The following FABP12 variants were observed in gnomAD, a reference collection of about 807,000 sequenced individuals.
The protein encoded by FABP12 is fatty acid binding protein 12.
In FABP12, 19 loss-of-function variants were observed where a neutral mutation model predicts 13.7. The ratio of observed to expected loss-of-function variants is 1.39; its 90% confidence interval spans 0.97 to 2.04. The LOEUF (loss-of-function observed/expected upper bound fraction) is 2.04. Among genes scored for constraint, FABP12 ranks in the 30% most tolerant of loss-of-function variants. The pLI, the probability that FABP12 is intolerant of heterozygous loss-of-function variation, is 0.00. For synonymous variants in FABP12, 61 were observed against 57.0 expected (o/e 1.07, Z -0.32); for missense variants, 182 against 164.2 (o/e 1.11, Z -0.59).
intron 1 of FABP12, among the ~76,000 whole-genome samples, chr8:81,589,783 A>C (rs1810293378): frequency 1.3e-5 from 2 of 152,198 alleles, no homozygotes; most frequent in Non-Finnish European, 2.9e-5. Flanking sequence ...GGCAGGCATC[A>C]AGTACCCAAA....
chr8:81,549,262 C>T (rs1367519753), intron 1 of FABP12, among the ~76,000 whole-genome samples: 2 of 152,000 alleles, frequency 1.3e-5, no homozygotes, highest in African/African-American at 4.8e-5. Context: ...CATGCACGTA[C>T]ACACCCTGGT....
rs374910315 is a variant in FABP12 at position 81,529,532 on chromosome 8, G to T, written c.152C>A (p.Thr51Lys). The stretch of plus-strand genomic sequence containing the variant: ...TTTAAAGATGCTTTTGGTTTTTATT[G>T]TGATGACATCTCCATCTGTACTGAT... Residue 51 changes from threonine (T) to lysine (K), a missense_variant, in exon 3 of 5, where the codon ACA (threonine) becomes AAA (lysine). Physicochemically the swap from Thr to Lys is moderately conservative, Grantham distance 78. Coordinates refer to ENST00000360464, the Ensembl canonical transcript of FABP12. 32 of 1,613,840 alleles carry T rather than the reference G, an allele frequency of 2.0e-5. No individual in the cohort carries two copies. Among genetic ancestry groups the T allele is most frequent in the East Asian group, 1.8e-4 (8 of 44,880 alleles).
intron 1 of FABP12, among the ~76,000 whole-genome samples, chr8:81,563,149 C>G (rs142110131): frequency 1.0e-3 from 153 of 152,290 alleles, no homozygotes; most frequent in African/African-American, 3.6e-3. Context: ...CCAGATAATT[C>G]TTCTGTATCT....
chr8:81,560,967 C>T (rs2130044029), intron 1 of FABP12, among the ~76,000 whole-genome samples: 1 of 152,300 alleles, frequency 6.6e-6, no homozygotes. Context: ...TGCTGCGGGG[C>T]AAAGGAGGGA....
At chr8:81,588,286 C>G (rs1392322567) in intron 1 of FABP12, among the ~76,000 whole-genome samples, 1 of 152,202 alleles carries the variant, frequency 6.6e-6, no homozygotes, top group Non-Finnish European at 1.5e-5. Flanking sequence ...GATATAGAAT[C>G]ATATTTTCTG....
intron 2 of FABP12, 150 bp downstream of exon 2, chr8:81,531,093 G>A: frequency 1.6e-6 from 1 of 627,328 alleles, no homozygotes; most frequent in Non-Finnish European, 2.8e-6. Flanking sequence ...GTTTTGCACA[G>A]AACTATATCC....
chr8:81,527,195 T>A (rs1347562840), intron 3 of FABP12, 74 bp from the exon 4 acceptor site: 2 of 805,342 alleles, frequency 2.5e-6, no homozygotes, highest in East Asian at 5.3e-5. Flanking sequence ...GGCAGCAAAT[T>A]CTTTTTAGCT....
intron 1 of FABP12, among the ~76,000 whole-genome samples, chr8:81,578,242 A>G (rs2556576): frequency 1.3e-5 from 2 of 152,220 alleles, no homozygotes; most frequent in Non-Finnish European, 2.9e-5. Context: ...TCTTAAAAGA[A>G]TACATTTAGA....
At chr8:81,567,460 C>T (rs1205207011) in intron 1 of FABP12, among the ~76,000 whole-genome samples, 1 of 152,144 alleles carries the variant, frequency 6.6e-6, no homozygotes, top group African/African-American at 2.4e-5. Flanking sequence ...TAAAGACAGA[C>T]ACATAGACCA....
intron 1 of FABP12, among the ~76,000 whole-genome samples, chr8:81,585,768 GT>G (rs1171432052): frequency 1.3e-5 from 2 of 151,842 alleles, no homozygotes; most frequent in Non-Finnish European, 2.9e-5. Flanking sequence ...TGTTTTATTG[GT>G]TTTTTTAAAT....
chr8:81,551,955 A>C (rs1349378255), intron 1 of FABP12, among the ~76,000 whole-genome samples: 2 of 152,118 alleles, frequency 1.3e-5, no homozygotes, highest in African/African-American at 4.8e-5. Flanking sequence ...ATACTGTGCT[A>C]GCTTCTAGGA....
At chr8:81,539,590 G>C (rs1039738698) in intron 2 of FABP12, among the ~76,000 whole-genome samples, 6 of 152,042 alleles carry the variant, frequency 3.9e-5, no homozygotes, top group Non-Finnish European at 7.4e-5. Context: ...GTTGATGCTG[G>C]TAAACAGCAT....
At chr8:81,535,467 A>G (rs976928816), upstream of FABP12, among the ~76,000 whole-genome samples, 2 of 152,206 alleles carry the variant, frequency 1.3e-5, no homozygotes, top group Non-Finnish European at 2.9e-5. Context: ...TCCAACAGCC[A>G]AGGAGTCAAT....
upstream of FABP12, among the ~76,000 whole-genome samples, chr8:81,537,870 C>G (rs16909321): frequency 0.029 from 4,431 of 152,164 alleles, 171 homozygotes; most frequent in African/African-American, 0.092. Flanking sequence ...TCACACAGTT[C>G]AACTTTTTTT....
intron 1 of FABP12, among the ~76,000 whole-genome samples, chr8:81,531,871 A>C (rs960197523): frequency 6.6e-6 from 1 of 152,156 alleles, no homozygotes; most frequent in Admixed American, 6.6e-5. Flanking sequence ...AACCACTTTA[A>C]GTCATGTGCA....
intron 2 of FABP12, among the ~76,000 whole-genome samples, chr8:81,530,545 A>G (rs1809040456): frequency 6.6e-6 from 1 of 152,234 alleles, no homozygotes; most frequent in Non-Finnish European, 1.5e-5. Flanking sequence ...ATATATTGGG[A>G]AAATACTATA....
chr8:81,531,667 G>A (rs1207263580), intron 1 of FABP12, among the ~76,000 whole-genome samples: 1 of 152,128 alleles, frequency 6.6e-6, no homozygotes, highest in African/African-American at 2.4e-5. Flanking sequence ...GGCCTGGACA[G>A]CTGTGTTTAT....
At chr8:81,586,786 C>A (rs1810245680) in intron 1 of FABP12, among the ~76,000 whole-genome samples, 1 of 152,050 alleles carries the variant, frequency 6.6e-6, no homozygotes. Flanking sequence ...TGTACCGATG[C>A]TTTTTAGTTT....
chr8:81,586,309 T>G (rs1185830004), intron 1 of FABP12, among the ~76,000 whole-genome samples: 1 of 152,234 alleles, frequency 6.6e-6, no homozygotes. Context: ...AACATACGCA[T>G]GCATGTATCT....
Sources: allele counts gnomAD v4.1 joint callset (sites outside exome capture counted in the v4.1 genomes callset), GRCh38; gene constraint gnomAD v4.1.1; transcripts MANE v1.5; gene names NCBI Gene and HGNC (gene_info 2026-07-23, HGNC 2026-07-21).